Variants in CHST3 observed in about 807,000 individuals in gnomAD.
The protein encoded by CHST3 is carbohydrate sulfotransferase 3.
Under a neutral mutation model 35.4 loss-of-function variants are expected in CHST3, and 20 were observed. The observed-to-expected ratio is 0.57, with a 90% CI of 0.40 to 0.82. The LOEUF is 0.82. CHST3 is among the 40% of genes least tolerant of loss of function. The pLI, the probability that CHST3 is intolerant of heterozygous loss-of-function variation, is 0.00. For synonymous variants in CHST3, 334 were observed against 295.9 expected, an observed-to-expected ratio of 1.13 and a Z score of -1.32; for missense variants, 693 against 670.1, an observed-to-expected ratio of 1.03 and a Z score of -0.38.
intron 2 of CHST3, among the ~76,000 whole-genome samples, chr10:72,006,539 C>A (rs1840040127): frequency 6.6e-6 from 1 of 152,228 alleles, no homozygotes; most frequent in South Asian, 2.1e-4. Flanking sequence ...AAGTTGTGTA[C>A]TGCTCAACTC....
chr10:71,996,405 C>T (rs1342856139), intron 1 of CHST3, among the ~76,000 whole-genome samples: 1 of 147,478 alleles, frequency 6.8e-6, no homozygotes, highest in Non-Finnish European at 1.5e-5. Context: ...CTTTCTCTCC[C>T]TCTCTCTGTC....
chr10:72,007,553 C>A lies in CHST3; in HGVS notation c.522C>A (p.Phe174Leu), dbSNP rs2131774888. The A allele has an allele frequency of 2.5e-6, 4 of 1,606,322 alleles. No individual in the cohort carries two copies. The highest frequency in any genetic ancestry group is 1.1e-5 in the South Asian group (1 of 91,002). ...PLWHIERTVS[F>L]EPGGANAAGS... ...GGCACATCGAGCGCACAGTGTCCTT[C>A]GAGCCGGGGGGCGCCAACGCCGCGG... The change falls in exon 3 of 3, where the codon TTC becomes TTA. Residue 174 changes from phenylalanine (F) to leucine (L), a missense_variant. By Grantham distance (22) the Phe-to-Leu change is conservative. Coordinates refer to ENST00000373115, the MANE Select transcript of CHST3 (RefSeq NM_004273.5).
intron 1 of CHST3, among the ~76,000 whole-genome samples, chr10:71,971,325 C>T (rs892937411): frequency 2.6e-5 from 4 of 152,208 alleles, no homozygotes; most frequent in Admixed American, 6.5e-5. Flanking sequence ...GCGCTCCGCA[C>T]GTCCACATGT....
chr10:71,971,615 A>G (rs1016300571), intron 1 of CHST3, among the ~76,000 whole-genome samples: 1 of 152,118 alleles, frequency 6.6e-6, no homozygotes, highest in African/African-American at 2.4e-5. Context: ...GATTCTGGAA[A>G]GTGCTAATGT....
intron 1 of CHST3, among the ~76,000 whole-genome samples, chr10:71,991,927 C>T (rs1839900271): frequency 8.3e-6 from 1 of 120,602 alleles, no homozygotes; most frequent in Non-Finnish European, 1.8e-5. Context: ...AAGAGCAAAA[C>T]TCTGTCTGAA....
Position 72,007,892 on chromosome 10 carries a change from C to T in CHST3, c.861C>T (p.Ala287=). Residue 287 remains alanine (A), a synonymous_variant, in exon 3 of 3, where the codon GCC becomes GCT. Coordinates refer to ENST00000373115, the MANE Select transcript of CHST3 (RefSeq NM_004273.5). ...IRQLEFLQPL[A]EDPRLDLRVI... ...AGCTGGAGTTCCTGCAGCCGCTGGC[C>T]GAGGACCCCCGCCTGGACCTGCGCG... The T allele has an allele frequency of 1.9e-6, 3 of 1,579,302 alleles. No homozygotes were observed. The highest frequency in any genetic ancestry group is 8.6e-7 in the Non-Finnish European group (1 of 1,163,202).
At chr10:71,970,224 G>T (rs1334740354) in intron 1 of CHST3, among the ~76,000 whole-genome samples, 1 of 151,330 alleles carries the variant, frequency 6.6e-6, no homozygotes, top group Non-Finnish European at 1.5e-5. Context: ...CTTGTCTCCA[G>T]CTGCCCTCCG....
intron 1 of CHST3, among the ~76,000 whole-genome samples, chr10:71,980,024 A>G (rs569429536): frequency 1.7e-4 from 26 of 152,312 alleles, no homozygotes; most frequent in African/African-American, 6.0e-4. Flanking sequence ...CGCTGCCTAC[A>G]TGACTGTATC....
Position 71,979,025 on chromosome 10 carries a change from C to T in CHST3, c.-108+14331C>T, listed in dbSNP as rs115882221. 5.2e-3 allele frequency among the ~76,000 whole-genome samples: 794 copies of T among 152,344 alleles called. 10 individuals are homozygous for T. The highest frequency in any genetic ancestry group is 0.018 in the African/African-American group (753 of 41,582). Reference sequence around the variant, plus strand: ...CTTCCCTTTCCTTCCCTCCTCCCTGCATCCTTCCTTCCTTTCTTCCTTCTT... The same window carrying T: ...CTTCCCTTTCCTTCCCTCCTCCCTGTATCCTTCCTTCCTTTCTTCCTTCTT... On this transcript the variant is annotated intron_variant, in intron 1 of 2. Coordinates refer to ENST00000373115, the MANE Select transcript of CHST3 (RefSeq NM_004273.5).
intron 1 of CHST3, among the ~76,000 whole-genome samples, chr10:71,980,954 C>T (rs1245426204): frequency 6.6e-6 from 1 of 152,218 alleles, no homozygotes; most frequent in East Asian, 1.9e-4. Flanking sequence ...ACATTTATGC[C>T]TAGCCCTAGT....
intron 1 of CHST3, among the ~76,000 whole-genome samples, chr10:71,984,318 C>A (rs895656931): frequency 2.6e-5 from 4 of 152,254 alleles, no homozygotes; most frequent in African/African-American, 9.6e-5. Context: ...CCACCATGCT[C>A]GGCTGACGGC....
At chr10:72,000,031 A>G (rs770695732) in intron 1 of CHST3, among the ~76,000 whole-genome samples, 5 of 152,224 alleles carry the variant, frequency 3.3e-5, no homozygotes, top group Non-Finnish European at 4.4e-5. Flanking sequence ...AGTTTTGCCC[A>G]CAGTTGGTGG....
intron 1 of CHST3, among the ~76,000 whole-genome samples, chr10:71,985,175 A>G (rs548677519): frequency 6.6e-6 from 1 of 152,326 alleles, no homozygotes; most frequent in Admixed American, 6.5e-5. Context: ...CCCCAAGGCC[A>G]TGCTTGGCCG....
At chr10:71,977,482 C>G (rs928609996) in intron 1 of CHST3, among the ~76,000 whole-genome samples, 1 of 148,550 alleles carries the variant, frequency 6.7e-6, no homozygotes, top group African/African-American at 2.5e-5. Context: ...CAGGGTCTCA[C>G]TCTGTCACCC....
At chr10:71,994,278 A>T (rs1475082519) in intron 1 of CHST3, among the ~76,000 whole-genome samples, 1 of 152,158 alleles carries the variant, frequency 6.6e-6, no homozygotes, top group African/African-American at 2.4e-5. Flanking sequence ...AAAAAAAAAA[A>T]AAATTAATTA....
chr10:71,980,332 G>A (rs138163195), intron 1 of CHST3, among the ~76,000 whole-genome samples: 66 of 152,256 alleles, frequency 4.3e-4, no homozygotes, highest in Non-Finnish European at 7.8e-4. Context: ...AGTGTTTGCA[G>A]CGTTGTACTC....
Position 72,005,683 on chromosome 10 carries a change from T to G in CHST3, c.-107-53T>G, listed in dbSNP as rs936291544. Reference sequence around the variant, plus strand: ...TCAAAAGTCTGGTGGAGAGACATCCTCTGCATTCCTCGTGTACAGACAAGG... The same window carrying G: ...TCAAAAGTCTGGTGGAGAGACATCCGCTGCATTCCTCGTGTACAGACAAGG... On this transcript the variant is annotated intron_variant, in intron 1 of 2. Coordinates refer to ENST00000373115, the MANE Select transcript of CHST3 (RefSeq NM_004273.5). 6 of 845,744 alleles carry G rather than the reference T, an allele frequency of 7.1e-6. No individual in the cohort carries two copies. The African/African-American group carries it at 1.0e-4, about 14-fold the overall frequency. 52.4% of individuals were successfully genotyped at this position (845,744 alleles called of 1,614,324 possible). A position where few individuals can be genotyped will look rare whatever the true frequency, so the allele number is the denominator to read the frequency against.
intron 1 of CHST3, among the ~76,000 whole-genome samples, chr10:71,996,722 T>A (rs1839943212): frequency 6.6e-6 from 1 of 152,090 alleles, no homozygotes; most frequent in Non-Finnish European, 1.5e-5. Flanking sequence ...AGGCAGTGCA[T>A]AAGTCCATTC....
At position 72,007,629 on chromosome 10, in the gene CHST3, C is replaced by G; in HGVS notation, c.598C>G (p.Leu200Val). 1.2e-6 allele frequency: 2 copies of G among 1,610,098 alleles called. No individual in the cohort carries two copies. The highest frequency in any genetic ancestry group is 1.7e-6 in the Non-Finnish European group (2 of 1,179,546). The change falls in exon 3 of 3, where the codon CTG becomes GTG. Residue 200 changes from leucine (L) to valine (V), a missense_variant. By Grantham distance (32) the Leu-to-Val change is conservative. Transcript: ENST00000373115. ...GCTCAAGCAGCTCTTCCTGTGCGAC[C>G]TGTACGTGCTGGAGCACTTCATCAC... ...DVLKQLFLCD[L>V]YVLEHFITPL...
Sources: allele counts gnomAD v4.1 joint callset (sites outside exome capture counted in the v4.1 genomes callset), GRCh38; gene constraint gnomAD v4.1.1; transcripts MANE v1.5; gene names NCBI Gene and HGNC (gene_info 2026-07-23, HGNC 2026-07-21).